PAPPA2: variants seen among roughly 807,000 people sequenced by gnomAD.
PAPPA2 encodes the protein pappalysin 2.
PAPPA2 carries 86 observed loss-of-function variants against 176.4 expected under a neutral mutation model. That is an observed-to-expected ratio of 0.49 (90% CI 0.41 to 0.58). PAPPA2 has a LOEUF of 0.58. Among genes scored for constraint, PAPPA2 ranks in the 20% least tolerant of loss-of-function variants. The pLI, the probability that PAPPA2 is intolerant of heterozygous loss-of-function variation, is 0.00. For missense variants in PAPPA2, 2,073 were observed against 2,256.9 expected (o/e 0.92, Z 1.65); for synonymous variants, 809 against 852.2 (o/e 0.95, Z 0.88).
At chr1:176,704,919 T>C (rs999467194) in intron 9 of PAPPA2, among the ~76,000 whole-genome samples, 1 of 152,210 alleles carries the variant, frequency 6.6e-6, no homozygotes, top group Non-Finnish European at 1.5e-5. Flanking sequence ...ACTTTTTAAA[T>C]GACTACTAGA....
chr1:176,672,118 G>A (rs557170514), intron 4 of PAPPA2, among the ~76,000 whole-genome samples: 10 of 151,448 alleles, frequency 6.6e-5, no homozygotes, highest in African/African-American at 1.9e-4. Context: ...TTTTTACAAC[G>A]TCTTATTATT....
intron 1 of PAPPA2, among the ~76,000 whole-genome samples, chr1:176,549,129 A>T (rs575163581): frequency 1.3e-4 from 20 of 152,342 alleles, no homozygotes; most frequent in Middle Eastern, 3.4e-3. Context: ...TACTAATGCC[A>T]TGTGTTCTAT....
intron 12 of PAPPA2, among the ~76,000 whole-genome samples, chr1:176,739,258 A>G (rs1662559756): frequency 6.6e-6 from 1 of 152,196 alleles, no homozygotes; most frequent in South Asian, 2.1e-4. Context: ...TCACTTTGGC[A>G]ATAAGGAGAT....
At chr1:176,606,305 T>C (rs1029885944) in intron 3 of PAPPA2, among the ~76,000 whole-genome samples, 3 of 152,192 alleles carry the variant, frequency 2.0e-5, no homozygotes, top group African/African-American at 4.8e-5. Context: ...TAAGTATAAG[T>C]CTTACACACC....
At chr1:176,806,652 C>T (rs1665919373) in intron 21 of PAPPA2, among the ~76,000 whole-genome samples, 1 of 152,126 alleles carries the variant, frequency 6.6e-6, no homozygotes, top group South Asian at 2.1e-4. Flanking sequence ...GTTTCCTTAT[C>T]TTTTAAATTA....
chr1:176,645,573 A>G (rs934180305), intron 3 of PAPPA2, among the ~76,000 whole-genome samples: 1 of 151,586 alleles, frequency 6.6e-6, no homozygotes, highest in Non-Finnish European at 1.5e-5. Flanking sequence ...ATATCTCTTC[A>G]TTATATTGAT....
At chr1:176,789,398 G>A (rs1273455344) in intron 17 of PAPPA2, among the ~76,000 whole-genome samples, 1 of 151,162 alleles carries the variant, frequency 6.6e-6, no homozygotes, top group Non-Finnish European at 1.5e-5. Flanking sequence ...ACTGGGGACT[G>A]TTGTGGGGTG....
intron 12 of PAPPA2, among the ~76,000 whole-genome samples, chr1:176,725,272 C>T (rs1045092813): frequency 6.6e-6 from 1 of 152,210 alleles, no homozygotes; most frequent in African/African-American, 2.4e-5. Context: ...ACAGGCTGTA[C>T]AAAAACAGGC....
intron 3 of PAPPA2, among the ~76,000 whole-genome samples, chr1:176,663,999 C>T (rs1431967618): frequency 6.6e-6 from 1 of 152,170 alleles, no homozygotes; most frequent in Non-Finnish European, 1.5e-5. Flanking sequence ...GAAATACACT[C>T]TTTTCCTCCT....
chr1:176,542,544 C>G (rs1650418759), intron 1 of PAPPA2, among the ~76,000 whole-genome samples: 1 of 152,184 alleles, frequency 6.6e-6, no homozygotes, highest in Non-Finnish European at 1.5e-5. Flanking sequence ...CAGACTAGAA[C>G]AATGTTTGCC....
At position 176,712,077 on chromosome 1, in the gene PAPPA2, A is replaced by G. The variant is rs80189981; in HGVS notation, c.3798+96A>G. 10,882 of 1,416,158 alleles carry G rather than the reference A, an allele frequency of 7.7e-3. 77 individuals are homozygous for G. Among genetic ancestry groups the G allele is most frequent in the African/African-American group, 0.035 (2,432 of 69,876 alleles). The allele number at this position is 1,416,158 out of a possible 1,614,324, so 87.7% of individuals were successfully genotyped here. A position where few individuals can be genotyped will look rare whatever the true frequency, so the allele number is the denominator to read the frequency against. On this transcript the variant is annotated intron_variant, in intron 12 of 22. Transcript: ENST00000367662. ...TGTGTGTAAATGGTGCATTTGGATGACTTGTCAGAAAATTTTCTTTTGTTA... is the reference window on the plus strand; with the variant it reads ...TGTGTGTAAATGGTGCATTTGGATGGCTTGTCAGAAAATTTTCTTTTGTTA...
chr1:176,702,885 C>A, intron 9 of PAPPA2, 150 bp downstream of exon 9: 1 of 1,119,612 alleles, frequency 8.9e-7, no homozygotes, highest in Non-Finnish European at 1.2e-6. Flanking sequence ...GGGAGCAAGG[C>A]ACCATTTGAT....
At chr1:176,499,395 G>A (rs1310859253) in intron 1 of PAPPA2, among the ~76,000 whole-genome samples, 1 of 152,078 alleles carries the variant, frequency 6.6e-6, no homozygotes, top group African/African-American at 2.4e-5. Flanking sequence ...TCAGAATTCT[G>A]CCTCAAACTT....
intron 14 of PAPPA2, among the ~76,000 whole-genome samples, chr1:176,740,598 A>AGG (rs1662635863): frequency 6.6e-6 from 1 of 152,152 alleles, no homozygotes; most frequent in Admixed American, 6.5e-5. Flanking sequence ...AAGTTTAACA[A>AGG]TTGCTTGCTA....
intron 1 of PAPPA2, among the ~76,000 whole-genome samples, chr1:176,484,174 C>A (rs1296600694): frequency 1.3e-5 from 2 of 152,180 alleles, no homozygotes; most frequent in Non-Finnish European, 2.9e-5. Context: ...CCGTTCTCCT[C>A]CTATGTGCAT....
chr1:176,804,672 C>T (rs894671333), intron 21 of PAPPA2, among the ~76,000 whole-genome samples: 2 of 152,112 alleles, frequency 1.3e-5, no homozygotes, highest in Non-Finnish European at 2.9e-5. Flanking sequence ...GTATTAGTTT[C>T]CTGTTTGTCT....
intron 2 of PAPPA2, among the ~76,000 whole-genome samples, chr1:176,559,335 C>A (rs966884920): frequency 6.6e-6 from 1 of 152,334 alleles, no homozygotes. Flanking sequence ...AGGGAATGCC[C>A]AGGGCTATCT....
chr1:176,471,904 C>A (rs996894305), intron 1 of PAPPA2, among the ~76,000 whole-genome samples: 4 of 152,126 alleles, frequency 2.6e-5, no homozygotes, highest in African/African-American at 9.7e-5. Context: ...GTATTTCCTG[C>A]GAACTGGCAG....
In PAPPA2 at chr1:176,671,622, G is replaced by T. The variant is rs561373867; in HGVS notation, c.2137+507G>T. 4.6e-5 allele frequency among the ~76,000 whole-genome samples: 7 copies of T among 152,106 alleles called. No individual in the cohort carries two copies. In the East Asian group the frequency reaches 1.4e-3, roughly 29 times the overall value. ...GTGCAACTACTGAACACTTAAGAAA[G>T]ACAATCCTATTCACAATAGCAAAGA... On this transcript the variant is annotated intron_variant, in intron 4 of 22. Transcript: ENST00000367662.
Sources: allele counts gnomAD v4.1 joint callset (sites outside exome capture counted in the v4.1 genomes callset), GRCh38; gene constraint gnomAD v4.1.1; transcripts MANE v1.5; gene names NCBI Gene and HGNC (gene_info 2026-07-23, HGNC 2026-07-21).